The following LPP variants were observed in gnomAD, a reference collection of about 807,000 sequenced individuals.
The protein encoded by LPP is lipoma-preferred partner.
A neutral mutation model predicts 60.4 loss-of-function variants in LPP; 38 were observed. That is an observed-to-expected ratio of 0.63 (90% confidence interval 0.49 to 0.83). LPP has a LOEUF of 0.83. Ranked by LOEUF, LPP falls within the 40% of genes least tolerant of loss-of-function variation. The probability of loss-of-function intolerance (pLI) is 0.00; values close to 1 mark genes in which losing one functional copy is unlikely to be tolerated. For synonymous variants in LPP, 328 were observed against 290.8 expected, an observed-to-expected ratio of 1.13 and a Z score of -1.30; for missense variants, 902 against 783.6, an observed-to-expected ratio of 1.15 and a Z score of -1.80.
At chr3:188,478,634 G>A in intron 4 of LPP, among the ~76,000 whole-genome samples, 1 of 152,060 alleles carries the variant, frequency 6.6e-6, no homozygotes, top group Non-Finnish European at 1.5e-5. Context: ...GAATTGCCTT[G>A]CCTGAAATAA....
intron 2 of LPP, among the ~76,000 whole-genome samples, chr3:188,261,945 G>A (rs6784029): frequency 0.24 from 37,033 of 152,026 alleles, 6,563 homozygotes; most frequent in African/African-American, 0.51. Flanking sequence ...ACCACAGTTC[G>A]TTAGATATAA....
At chr3:188,265,816 AAT>A (rs1382913805) in intron 2 of LPP, among the ~76,000 whole-genome samples, 3 of 150,086 alleles carry the variant, frequency 2.0e-5, no homozygotes, top group Non-Finnish European at 4.4e-5. Flanking sequence ...TTTTTTTGGT[AAT>A]CAGTAAGGAG....
Position 188,432,041 on chromosome 3 carries a change from G to A in LPP, c.193+25728G>A, listed in dbSNP as rs547682075. Among the ~76,000 whole-genome samples the A allele has an allele frequency of 2.0e-5, 3 of 152,092 alleles. No individual in the cohort carries two copies. The South Asian group carries it at 6.2e-4, about 32-fold the overall frequency. ...CTTAAGTGCATGTAGTTAAGAGGAA[G>A]CTAACACTTAATTTGTTCCTGCTGT... On this transcript the variant is annotated intron_variant, in intron 4 of 11. Coordinates refer to ENST00000617246, the MANE Select transcript of LPP (RefSeq NM_001375462.1).
chr3:188,703,381 G>T (rs1864868949), intron 7 of LPP, among the ~76,000 whole-genome samples: 1 of 152,154 alleles, frequency 6.6e-6, no homozygotes. Flanking sequence ...ATTAGAGTAG[G>T]TCTCTGATTA....
intron 6 of LPP, among the ~76,000 whole-genome samples, chr3:188,567,407 G>A (rs76043222): frequency 0.031 from 4,731 of 151,802 alleles, 112 homozygotes; most frequent in African/African-American, 0.059. Context: ...CTTGAAAATT[G>A]AAACACATCC....
At chr3:188,659,339 A>AC (rs1854058548) in intron 7 of LPP, among the ~76,000 whole-genome samples, 1 of 152,220 alleles carries the variant, frequency 6.6e-6, no homozygotes. Flanking sequence ...ATTACATGTT[A>AC]CGTCTTTTAT....
At chr3:188,261,308 G>A (rs1304805173) in intron 2 of LPP, among the ~76,000 whole-genome samples, 1 of 152,032 alleles carries the variant, frequency 6.6e-6, no homozygotes, top group Non-Finnish European at 1.5e-5. Context: ...GATAATCCTT[G>A]TTAAAGTTTT....
intron 7 of LPP, among the ~76,000 whole-genome samples, chr3:188,633,647 G>T (rs565672028): frequency 6.6e-6 from 1 of 152,270 alleles, no homozygotes; most frequent in African/African-American, 2.4e-5. Context: ...GTGAGGAGGG[G>T]CATGCTAACA....
intron 7 of LPP, chr3:188,688,869 C>T (rs749307439): frequency 3.3e-5 from 17 of 519,642 alleles, no homozygotes; most frequent in African/African-American, 1.6e-4. Context: ...CAGGCACTTT[C>T]GTTCATCTGA....
chr3:188,628,024 A>G (rs893886780), intron 7 of LPP, among the ~76,000 whole-genome samples: 4 of 152,180 alleles, frequency 2.6e-5, no homozygotes, highest in Non-Finnish European at 5.9e-5. Context: ...TGAGTAAAGA[A>G]TGAAATTAAG....
rs144123835 is a variant in LPP at position 188,596,546 on chromosome 3, G to T, written c.430-12615G>T. Among the ~76,000 whole-genome samples the T allele has an allele frequency of 3.9e-5, 6 of 152,036 alleles. No individual in the cohort carries two copies. The East Asian group carries it at 1.2e-3, about 29-fold the overall frequency. On this transcript the variant is annotated intron_variant, in intron 6 of 11. Transcript: ENST00000617246. Reference sequence around the variant, plus strand: ...TTTTTTCTCCTATACAATCTACAGTGTAACTGATACACATTCAAATCATCG... The same window carrying T: ...TTTTTTCTCCTATACAATCTACAGTTTAACTGATACACATTCAAATCATCG...
At position 188,884,867 on chromosome 3, in the gene LPP, A is replaced by G. The variant is rs1382951937; in HGVS notation, c.*10388A>G. 1.8e-5 allele frequency: 4 copies of G among 225,326 alleles called. No individual in the cohort carries two copies. Among genetic ancestry groups the G allele is most frequent in the Non-Finnish European group, 3.5e-5 (4 of 113,142 alleles). 14.0% of individuals were successfully genotyped at this position (225,326 alleles called of 1,614,324 possible). On this transcript the variant is annotated 3_prime_UTR_variant, in exon 12 of 12. Transcript: ENST00000617246. ...TCCGATAGAGCCGATCCATGAGCTA[A>G]CAATGTCTGAAAACAAATGTTATGG...
chr3:188,309,845 G>A (rs368887564), intron 2 of LPP, among the ~76,000 whole-genome samples: 15 of 152,068 alleles, frequency 9.9e-5, no homozygotes, highest in Non-Finnish European at 2.1e-4. Context: ...CTTGGCTATC[G>A]CAAAAACCAC....
At chr3:188,457,817 G>A (rs1798094677) in intron 4 of LPP, among the ~76,000 whole-genome samples, 1 of 151,812 alleles carries the variant, frequency 6.6e-6, no homozygotes, top group Admixed American at 6.6e-5. Flanking sequence ...GCTGAGGCAG[G>A]AGAATCGCTT....
chr3:188,582,119 C>T (rs1474213121), intron 6 of LPP, among the ~76,000 whole-genome samples: 2 of 151,542 alleles, frequency 1.3e-5, no homozygotes, highest in African/African-American at 2.4e-5. Flanking sequence ...TCTTCGTCTC[C>T]CTCTCCTTGA....
rs1307957994 is a variant in LPP at position 188,884,386 on chromosome 3, C to T, written c.*9907C>T. 4.3e-6 allele frequency: 1 copy of T among 230,316 alleles called. No individual in the cohort carries two copies. Among genetic ancestry groups the T allele is most frequent in the Admixed American group, 5.7e-5 (1 of 17,658 alleles). The allele number at this position is 230,316 out of a possible 1,614,324, so 14.3% of individuals were successfully genotyped here. ...CCAGTCATCCAGGGAAATTCAGAGA[C>T]CAATTGACTGCCAGGTGGCAAATCC... is the stretch of plus-strand genomic sequence containing the variant. On this transcript the variant is annotated 3_prime_UTR_variant, in exon 12 of 12. Coordinates refer to ENST00000617246, the MANE Select transcript of LPP (RefSeq NM_001375462.1).
intron 9 of LPP, among the ~76,000 whole-genome samples, chr3:188,784,194 G>A (rs1436796049): frequency 1.3e-5 from 2 of 151,222 alleles, no homozygotes; most frequent in African/African-American, 2.4e-5. Flanking sequence ...CCATTCCTGA[G>A]TTACTTCACT....
intron 4 of LPP, among the ~76,000 whole-genome samples, chr3:188,465,346 A>G (rs1231489923): frequency 6.6e-6 from 1 of 152,126 alleles, no homozygotes; most frequent in Non-Finnish European, 1.5e-5. Flanking sequence ...GTAAGTCGGA[A>G]CTATTCGGTG....
At chr3:188,344,414 C>G (rs1324840300) in intron 3 of LPP, among the ~76,000 whole-genome samples, 1 of 152,140 alleles carries the variant, frequency 6.6e-6, no homozygotes, top group Non-Finnish European at 1.5e-5. Flanking sequence ...GTTATGTGCA[C>G]CAGAAGCCAT....
Sources: gnomAD v4.1 joint callset for allele counts (sites outside exome capture counted in the v4.1 genomes callset) on GRCh38, gnomAD v4.1.1 for gene constraint, MANE v1.5 for transcripts, NCBI Gene and HGNC (gene_info 2026-07-23, HGNC 2026-07-21) for gene names.